CLEC6A: variants seen among roughly 807,000 people sequenced by gnomAD.
CLEC6A encodes the protein C-type lectin domain containing 6A.
Under a neutral mutation model 25.7 loss-of-function variants are expected in CLEC6A, and 22 were observed. The ratio of observed to expected loss-of-function variants is 0.85; its 90% confidence interval spans 0.61 to 1.22. The LOEUF is 1.22. Among genes scored for constraint, CLEC6A ranks in the 50% most tolerant of loss-of-function variants. The probability of loss-of-function intolerance (pLI) is 0.00; values close to 1 mark genes in which losing one functional copy is unlikely to be tolerated. For synonymous variants in CLEC6A, 92 were observed against 76.7 expected (o/e 1.20, Z -1.04); for missense variants, 240 against 236.8 (o/e 1.01, Z -0.09).
rs200996028 is a variant in CLEC6A, at chr12:8,457,933, G to C, written c.67G>C (p.Val23Leu). ...RGWLSLRLWS[V>L]AGISIALLSA... ...CTGGTTGTCCCTGAGACTCTGGTCT[G>C]TGGCTGGGATTTCCATTGCACTCCT... Residue 23 changes from valine to leucine, a missense_variant, in exon 2 of 6, where the codon GTG becomes CTG. By Grantham distance (32) the Val-to-Leu change is conservative (BLOSUM62 1). Coordinates refer to ENST00000382073, the MANE Select transcript of CLEC6A (RefSeq NM_001007033.2). 25 of 1,614,118 alleles carry C rather than the reference G, an allele frequency of 1.5e-5. 1 individual carries two copies. In the South Asian group the frequency reaches 2.3e-4, roughly 15 times the overall value.
In CLEC6A at chr12:8,456,015, T is replaced by C; in HGVS notation, c.-97T>C. ...AGTGTGTAGCAGTTTGTCCCTGAGC[T>C]CTAGCTTCTTTAAATGAAGCTGAGT... On this transcript the variant is annotated 5_prime_UTR_variant, in exon 1 of 6. Transcript: ENST00000382073. 8.7e-7 allele frequency: 1 copy of C among 1,153,092 alleles called. No individual in the cohort carries two copies. Among genetic ancestry groups the C allele is most frequent in the South Asian group, 1.3e-5 (1 of 78,894 alleles). 71.4% of individuals were successfully genotyped at this position (1,153,092 alleles called of 1,614,324 possible).
chr12:8,466,309 C>T (rs2136361326), intron 4 of CLEC6A, among the ~76,000 whole-genome samples: 1 of 152,310 alleles, frequency 6.6e-6, no homozygotes, highest in East Asian at 1.9e-4. Flanking sequence ...TAGGTTGCTT[C>T]CACTTTGCAG....
At chr12:8,465,807 C>A (rs1939822069) in intron 4 of CLEC6A, among the ~76,000 whole-genome samples, 178 bp downstream of exon 4, 2 of 152,192 alleles carry the variant, frequency 1.3e-5, no homozygotes, top group Admixed American at 1.3e-4. Flanking sequence ...CATTGAACAA[C>A]AACTACCCAT....
intron 4 of CLEC6A, 88 bp from the exon 5 acceptor site, chr12:8,476,037 A>G: frequency 1.3e-6 from 1 of 755,400 alleles, no homozygotes. Flanking sequence ...TTTCTTCTAA[A>G]GAATAGCTCT....
At chr12:8,459,558 A>C in intron 2 of CLEC6A, 39 bp from the exon 3 acceptor site, 2 of 1,336,456 alleles carry the variant, frequency 1.5e-6, no homozygotes, top group Non-Finnish European at 2.2e-6. Flanking sequence ...TTTATAGCAA[A>C]ATAATAGATG....
chr12:8,465,871 G>A (rs746463473), intron 4 of CLEC6A, among the ~76,000 whole-genome samples: 1 of 152,174 alleles, frequency 6.6e-6, no homozygotes, highest in South Asian at 2.1e-4. Context: ...GTTTCTATGA[G>A]TTTGACTATT....
At chr12:8,466,666 T>TG (rs767607977) in intron 4 of CLEC6A, among the ~76,000 whole-genome samples, 53 of 151,752 alleles carry the variant, frequency 3.5e-4, no homozygotes, top group African/African-American at 1.2e-3. Flanking sequence ...TGTTTTGTTT[T>TG]TTTTTTTGAG....
chr12:8,477,016 G>A (rs1017376649), intron 5 of CLEC6A, among the ~76,000 whole-genome samples: 1 of 152,074 alleles, frequency 6.6e-6, no homozygotes, highest in Non-Finnish European at 1.5e-5. Flanking sequence ...TTTCATGTCA[G>A]TAAGAAGGAA....
chr12:8,474,626 T>C (rs955986680), intron 4 of CLEC6A, among the ~76,000 whole-genome samples: 4 of 152,170 alleles, frequency 2.6e-5, no homozygotes, highest in Admixed American at 2.6e-4. Flanking sequence ...CCCTGGAATA[T>C]TAGGTTATGT....
At chr12:8,465,970 C>T (rs754339148) in intron 4 of CLEC6A, among the ~76,000 whole-genome samples, 5 of 152,270 alleles carry the variant, frequency 3.3e-5, no homozygotes, top group South Asian at 4.1e-4. Context: ...AAGATTCGTC[C>T]ATGTTCTCAT....
chr12:8,474,158 C>T (rs566602793), intron 4 of CLEC6A, among the ~76,000 whole-genome samples: 4 of 152,030 alleles, frequency 2.6e-5, no homozygotes, highest in Non-Finnish European at 4.4e-5. Flanking sequence ...GGCTGATGTC[C>T]GGCATGGTGG....
intron 4 of CLEC6A, among the ~76,000 whole-genome samples, chr12:8,468,779 G>A (rs1939869191): frequency 1.3e-5 from 2 of 152,118 alleles, no homozygotes; most frequent in South Asian, 4.1e-4. Flanking sequence ...GCATAGACGG[G>A]ACATAGCTTG....
intron 3 of CLEC6A, among the ~76,000 whole-genome samples, chr12:8,460,255 A>G (rs1420984085): frequency 6.6e-6 from 1 of 152,208 alleles, no homozygotes; most frequent in Non-Finnish European, 1.5e-5. Flanking sequence ...CAAAAGAAAG[A>G]GGTTTATTGG....
Position 8,477,356 on chromosome 12 carries a change from G to C in CLEC6A, c.522G>C (p.Glu174Asp). Reference protein sequence around the residue: ...WHLGEPNHSAEQCASIVFWKP... With the variant: ...WHLGEPNHSADQCASIVFWKP... ...TAGGTGAGCCCAATCATTCTGCAGA[G>C]CAATGTGCTTCAATAGTCTTCTGGA... The change falls in exon 6 of 6, where the codon GAG (glutamate) becomes GAC (aspartate). Residue 174 changes from glutamate (E) to aspartate (D), a missense_variant. Physicochemically the swap from Glu to Asp is conservative, Grantham distance 45. Coordinates refer to ENST00000382073, the MANE Select transcript of CLEC6A (RefSeq NM_001007033.2). 1 of 1,612,210 alleles carries C rather than the reference G, an allele frequency of 6.2e-7. No homozygotes were observed. The highest frequency in any genetic ancestry group is 8.5e-7 in the Non-Finnish European group (1 of 1,178,732).
chr12:8,456,077 G>A lies in CLEC6A; in HGVS notation c.-35G>A, dbSNP rs1389553607. 6.2e-7 allele frequency: 1 copy of A among 1,612,198 alleles called. No individual in the cohort carries two copies. Among genetic ancestry groups the A allele is most frequent in the East Asian group, 2.2e-5 (1 of 44,830 alleles). ...ATCTTTAGGGAGAGAGGTACAAAAG[G>A]TTCCTGGACCTTCTCAACACAGGGA... On this transcript the variant is annotated 5_prime_UTR_variant, in exon 1 of 6. Transcript: ENST00000382073.
At position 8,476,119 on chromosome 12, in the gene CLEC6A, A is replaced by C; in HGVS notation, c.370-6A>C. 1 of 1,580,162 alleles carries C rather than the reference A, an allele frequency of 6.3e-7. No individual in the cohort carries two copies. Among genetic ancestry groups the C allele is most frequent in the Non-Finnish European group, 8.6e-7 (1 of 1,157,528 alleles). On this transcript the variant is annotated splice_region_variant and splice_polypyrimidine_tract_variant and intron_variant, in intron 4 of 5. Transcript: ENST00000382073. Reference sequence around the variant, plus strand: ...GTCTTTGACTCCTTTTTTTTCCTTCATGCAGAATTTCATTGTCCAGCAGCT... The same window carrying C: ...GTCTTTGACTCCTTTTTTTTCCTTCCTGCAGAATTTCATTGTCCAGCAGCT...
At position 8,459,585 on chromosome 12, in the gene CLEC6A, C is replaced by G. The variant is rs1156977342; in HGVS notation, c.122-12C>G. 4 of 1,529,194 alleles carry G rather than the reference C, an allele frequency of 2.6e-6. No homozygotes were observed. Among genetic ancestry groups the G allele is most frequent in the African/African-American group, 1.4e-5 (1 of 73,154 alleles). 94.7% of individuals were successfully genotyped at this position (1,529,194 alleles called of 1,614,324 possible). ...TAATAGATGGACACTAATCCTTCTTCTTCCTTTACAGTAACTTACCATTTT... is the reference window on the plus strand; with the variant it reads ...TAATAGATGGACACTAATCCTTCTTGTTCCTTTACAGTAACTTACCATTTT... On this transcript the variant is annotated splice_polypyrimidine_tract_variant and intron_variant, in intron 2 of 5. Transcript: ENST00000382073.
At chr12:8,476,055 A>G (rs1365307652) in intron 4 of CLEC6A, 70 bp from the exon 5 acceptor site, 2 of 954,400 alleles carry the variant, frequency 2.1e-6, no homozygotes, top group East Asian at 2.5e-5. Context: ...TCTGAAGGCT[A>G]TAAGCAACCT....
Position 8,465,542 on chromosome 12 carries a change from C to T in CLEC6A, c.282C>T (p.Ser94=). The change falls in exon 4 of 6, where the codon TCC becomes TCT. Residue 94 remains serine, a synonymous_variant. Transcript: ENST00000382073. ...TTGGTTCCAGTTGCTACTTCATTTC[C>T]AGTGAAGAGAAGGTTTGGTCTAAGA... is the stretch of plus-strand genomic sequence containing the variant. The part of the protein sequence containing the change: ...KSFGSSCYFI[S]SEEKVWSKSE... The T allele has an allele frequency of 6.2e-7, 1 of 1,613,556 alleles. No individual in the cohort carries two copies. Among genetic ancestry groups the T allele is most frequent in the South Asian group, 1.1e-5 (1 of 91,072 alleles).
Sources: allele counts gnomAD v4.1 joint callset (sites outside exome capture counted in the v4.1 genomes callset), GRCh38; gene constraint gnomAD v4.1.1; transcripts MANE v1.5; gene names NCBI Gene and HGNC (gene_info 2026-07-23, HGNC 2026-07-21).